Variants in RXFP2 observed in about 807,000 individuals in gnomAD.
The protein encoded by RXFP2 is relaxin family peptide receptor 2, also known as relaxin receptor 2.
Under a neutral mutation model 88.6 loss-of-function variants are expected in RXFP2, and 68 were observed. That is an observed-to-expected ratio of 0.77 (90% CI 0.63 to 0.94). The LOEUF is 0.94. RXFP2 is among the 40% of genes least tolerant of loss of function. The probability of loss-of-function intolerance (pLI) is 0.00; values close to 1 mark genes in which losing one functional copy is unlikely to be tolerated. For missense variants in RXFP2, 791 were observed against 893.9 expected, an observed-to-expected ratio of 0.88 and a Z score of 1.47; for synonymous variants, 329 against 306.8, an observed-to-expected ratio of 1.07 and a Z score of -0.76.
chr13:31,787,931 G>A (rs1423951796), intron 13 of RXFP2, among the ~76,000 whole-genome samples: 2 of 152,172 alleles, frequency 1.3e-5, no homozygotes, highest in Admixed American at 6.5e-5. Context: ...GTGAGCCACC[G>A]TGCCTGCCCA....
At chr13:31,751,223 C>T (rs1485478186) in intron 1 of RXFP2, among the ~76,000 whole-genome samples, 3 of 151,922 alleles carry the variant, frequency 2.0e-5, no homozygotes, top group Non-Finnish European at 4.4e-5. Context: ...ACCCTGGAGG[C>T]GGAGGTTGCA....
chr13:31,756,520 G>A (rs1871957742), intron 1 of RXFP2, among the ~76,000 whole-genome samples: 1 of 152,018 alleles, frequency 6.6e-6, no homozygotes. Flanking sequence ...GCGTGGTTAG[G>A]AGCACTTTGC....
At chr13:31,742,033 A>G (rs1871240210) in intron 1 of RXFP2, among the ~76,000 whole-genome samples, 1 of 152,184 alleles carries the variant, frequency 6.6e-6, no homozygotes, top group South Asian at 2.1e-4. Flanking sequence ...TAAAAACAGT[A>G]TCTGTCTCTA....
intron 16 of RXFP2, among the ~76,000 whole-genome samples, chr13:31,794,155 C>G (rs970479171): frequency 2.0e-5 from 3 of 152,136 alleles, no homozygotes; most frequent in African/African-American, 7.2e-5. Flanking sequence ...CTCCATTACT[C>G]CTTCTCTTCC....
At chr13:31,754,042 G>C (rs1479499315) in intron 1 of RXFP2, among the ~76,000 whole-genome samples, 2 of 152,206 alleles carry the variant, frequency 1.3e-5, no homozygotes, top group Admixed American at 6.5e-5. Flanking sequence ...GCAGTCGGCA[G>C]GTTCTATTCG....
intron 1 of RXFP2, 108 bp downstream of exon 1, chr13:31,739,814 AC>A (rs888706061): frequency 9.2e-6 from 7 of 758,876 alleles, no homozygotes; most frequent in Non-Finnish European, 1.6e-5. Context: ...TAAAAAAAAA[AC>A]AGACATCAAA....
At chr13:31,773,826 TC>T (rs1345224541) in intron 5 of RXFP2, among the ~76,000 whole-genome samples, 3 of 152,144 alleles carry the variant, frequency 2.0e-5, no homozygotes, top group African/African-American at 7.2e-5. Context: ...AGGAAGCAAT[TC>T]AAACCAAAAT....
chr13:31,766,985 C>T (rs996305865), intron 5 of RXFP2, among the ~76,000 whole-genome samples: 4 of 152,112 alleles, frequency 2.6e-5, no homozygotes, highest in South Asian at 4.1e-4. Flanking sequence ...ATGCTGTACA[C>T]GCTGCAAGCC....
chr13:31,782,766 T>C lies in RXFP2; in HGVS notation c.929+19T>C, dbSNP rs1220565028. ...GAGAACTGTAAGTAGCATCGTCTAC[T>C]AGGAAAATATGATTGCTTCTTCCGA... On this transcript the variant is annotated intron_variant, in intron 11 of 17. Transcript: ENST00000298386. 4.2e-6 allele frequency: 6 copies of C among 1,429,776 alleles called. No individual in the cohort carries two copies. In the African/African-American group the frequency reaches 5.6e-5, roughly 13 times the overall value. 88.6% of individuals were successfully genotyped at this position (1,429,776 alleles called of 1,614,324 possible).
Position 31,792,902 on chromosome 13 carries a change from G to A in RXFP2, c.1600G>A (p.Gly534Arg), listed in dbSNP as rs373957598. ...IVFPFSNIRP[G>R]KRQTSVILIC... ...CTTCCCCTTCAGTAACATTCGACCTGGAAAACGGCAGACCTCAGTCATCCT... is the reference window on the plus strand; with the variant it reads ...CTTCCCCTTCAGTAACATTCGACCTAGAAAACGGCAGACCTCAGTCATCCT... Residue 534 changes from glycine to arginine, a missense_variant, in exon 16 of 18, where the codon GGA becomes AGA. Gly to Arg is a moderately radical substitution (Grantham distance 125). Transcript: ENST00000298386. 10 of 1,613,990 alleles carry A rather than the reference G, an allele frequency of 6.2e-6. No homozygotes were observed. The highest frequency in any genetic ancestry group is 5.9e-6 in the Non-Finnish European group (7 of 1,180,038).
chr13:31,764,369 C>G (rs769332648), intron 3 of RXFP2, among the ~76,000 whole-genome samples: 1 of 151,766 alleles, frequency 6.6e-6, no homozygotes, highest in Admixed American at 6.6e-5. Context: ...CTAGTAACTA[C>G]GTAAGTCCCT....
chr13:31,748,236 G>A (rs1185702136), intron 1 of RXFP2, among the ~76,000 whole-genome samples: 1 of 152,132 alleles, frequency 6.6e-6, no homozygotes, highest in Non-Finnish European at 1.5e-5. Context: ...AATTTCTATG[G>A]GCATTTACCT....
chr13:31,762,349 G>A lies in RXFP2; in HGVS notation c.319+548G>A, dbSNP rs115712028. Among the ~76,000 whole-genome samples the A allele has an allele frequency of 2.1e-3, 315 of 152,334 alleles. 1 individual carries two copies. The highest frequency in any genetic ancestry group is 7.3e-3 in the African/African-American group (305 of 41,584). On this transcript the variant is annotated intron_variant, in intron 3 of 17. Transcript: ENST00000298386. ...CTTTGAAGTCCATGGATGAAGGAAA[G>A]GATATGAGGTGACAGGATGAGCAGA...
At chr13:31,740,312 T>C (rs1871179644) in intron 1 of RXFP2, among the ~76,000 whole-genome samples, 1 of 152,146 alleles carries the variant, frequency 6.6e-6, no homozygotes, top group African/African-American at 2.4e-5. Flanking sequence ...ACCATTTTCA[T>C]TGTAAAGCTC....
chr13:31,768,067 T>C (rs1872613838), intron 5 of RXFP2, among the ~76,000 whole-genome samples: 2 of 152,184 alleles, frequency 1.3e-5, no homozygotes, highest in African/African-American at 4.8e-5. Context: ...AGAAGCAATT[T>C]AATAATTCAG....
rs556899439 is a variant in RXFP2, at chr13:31,764,952, A to T, written c.320-85A>T. The T allele has an allele frequency of 1.1e-3, 846 of 773,018 alleles. 8 individuals are homozygous for T. Among genetic ancestry groups the T allele is most frequent in the Non-Finnish European group, 2.6e-4 (111 of 434,630 alleles). 47.9% of individuals were successfully genotyped at this position (773,018 alleles called of 1,614,324 possible). ...ATGTAAATTTTATACATTCGATGAA[A>T]AGAAAACAATATCAGTTATTAAAGG... On this transcript the variant is annotated intron_variant, in intron 3 of 17. Transcript: ENST00000298386.
At chr13:31,801,940 T>C (rs1874365637) in intron 17 of RXFP2, among the ~76,000 whole-genome samples, 1 of 152,260 alleles carries the variant, frequency 6.6e-6, no homozygotes, top group South Asian at 2.1e-4. Flanking sequence ...TTCACATTAT[T>C]TACTGAAACT....
intron 3 of RXFP2, among the ~76,000 whole-genome samples, chr13:31,762,660 T>A (rs1022030942): frequency 6.6e-6 from 1 of 152,166 alleles, no homozygotes; most frequent in African/African-American, 2.4e-5. Flanking sequence ...ATATAACATA[T>A]ATATCAAATA....
chr13:31,760,583 G>A, intron 2 of RXFP2, among the ~76,000 whole-genome samples: 1 of 152,210 alleles, frequency 6.6e-6, no homozygotes, highest in Admixed American at 6.5e-5. Flanking sequence ...GGAATCAGAA[G>A]CCATGAATGT....
Sources: allele counts gnomAD v4.1 joint callset (sites outside exome capture counted in the v4.1 genomes callset), GRCh38; gene constraint gnomAD v4.1.1; transcripts MANE v1.5; gene names NCBI Gene and HGNC (gene_info 2026-07-23, HGNC 2026-07-21).